The following PCDHA3 variants were observed in gnomAD, a reference collection of about 807,000 sequenced individuals.
PCDHA3 encodes the protein protocadherin alpha 3, also known as protocadherin alpha-3.
A neutral mutation model predicts 62.2 loss-of-function variants in PCDHA3; 41 were observed. The ratio of observed to expected loss-of-function variants is 0.66; its 90% CI spans 0.51 to 0.86. The LOEUF is 0.86. Among genes scored for constraint, PCDHA3 ranks in the 40% least tolerant of loss-of-function variants. The pLI is 0.00. For missense variants in PCDHA3, 1,304 were observed against 1,241.2 expected, an observed-to-expected ratio of 1.05 and a Z score of -0.76; for synonymous variants, 640 against 555.4, an observed-to-expected ratio of 1.15 and a Z score of -2.14.
At chr5:140,875,886 A>C (rs201813340) in intron 1 of PCDHA3, 1 of 1,614,176 alleles carries the variant, frequency 6.2e-7, no homozygotes, top group Non-Finnish European at 8.5e-7. Flanking sequence ...AAAGGGAACA[A>C]AAGGTACCTG....
At chr5:140,859,551 A>G (rs1258931011) in intron 1 of PCDHA3, 1 of 180,640 alleles carries the variant, frequency 5.5e-6, no homozygotes, top group African/African-American at 2.4e-5. Flanking sequence ...AGTGTTACCA[A>G]ACACCAATGC....
At chr5:140,863,106 C>G (rs782630265) in intron 1 of PCDHA3, 1 of 582,196 alleles carries the variant, frequency 1.7e-6, no homozygotes, top group Non-Finnish European at 3.4e-6. Context: ...GTACCCTGGA[C>G]GAGGCGAAAG....
chr5:140,924,754 G>T (rs1332624356), intron 1 of PCDHA3, among the ~76,000 whole-genome samples: 1 of 151,848 alleles, frequency 6.6e-6, no homozygotes, highest in African/African-American at 2.4e-5. Flanking sequence ...AATTAACCGA[G>T]CATGGTGGTG....
At chr5:140,940,245 T>A (rs1262681154) in intron 1 of PCDHA3, among the ~76,000 whole-genome samples, 1 of 152,210 alleles carries the variant, frequency 6.6e-6, no homozygotes, top group Non-Finnish European at 1.5e-5. Flanking sequence ...TAAAGTTACC[T>A]CCTCAATATC....
At chr5:140,862,290 A>G (rs1423685229) in intron 1 of PCDHA3, 3 of 265,086 alleles carry the variant, frequency 1.1e-5, no homozygotes, top group Admixed American at 4.8e-5. Flanking sequence ...GTACAGGAGG[A>G]CGCTCCACTG....
At chr5:140,869,751 CG>C (rs782746767) in intron 1 of PCDHA3, 1 of 1,613,134 alleles carries the variant, frequency 6.2e-7, no homozygotes, top group South Asian at 1.1e-5. Flanking sequence ...CAGCTACAGA[CG>C]GGGGAAAACC....
intron 1 of PCDHA3, chr5:140,877,139 T>C (rs781891057): frequency 8.7e-6 from 14 of 1,613,764 alleles, no homozygotes; most frequent in Admixed American, 1.7e-5. Context: ...GTGTTCGTGC[T>C]GGACGAGAAC....
intron 1 of PCDHA3, among the ~76,000 whole-genome samples, chr5:140,912,509 T>A (rs1473163707): frequency 6.6e-6 from 1 of 152,170 alleles, no homozygotes; most frequent in Non-Finnish European, 1.5e-5. Flanking sequence ...TTTGGATGAA[T>A]CTTTAGGGTT....
At chr5:140,893,204 G>A (rs1207669882) in intron 1 of PCDHA3, among the ~76,000 whole-genome samples, 1 of 152,244 alleles carries the variant, frequency 6.6e-6, no homozygotes, top group African/African-American at 2.4e-5. Context: ...GCTGCAGTAA[G>A]TATGGGAGGT....
At chr5:140,941,150 G>T (rs894422349) in intron 1 of PCDHA3, among the ~76,000 whole-genome samples, 1 of 151,436 alleles carries the variant, frequency 6.6e-6, no homozygotes, top group Non-Finnish European at 1.5e-5. Context: ...TAGTTTGGAG[G>T]CCCCATAAGA....
intron 1 of PCDHA3, chr5:140,968,750 G>A: frequency 6.2e-7 from 1 of 1,614,144 alleles, no homozygotes; most frequent in Non-Finnish European, 8.5e-7. Context: ...GACCGTGGTG[G>A]TCCGAGATAA....
At chr5:140,916,072 AC>A (rs1445012621) in intron 1 of PCDHA3, among the ~76,000 whole-genome samples, 4 of 152,054 alleles carry the variant, frequency 2.6e-5, no homozygotes, top group Non-Finnish European at 5.9e-5. Flanking sequence ...TGTGGCCAGT[AC>A]TACCACTGGT....
intron 1 of PCDHA3, among the ~76,000 whole-genome samples, chr5:140,894,207 A>G (rs962841413): frequency 3.9e-5 from 6 of 152,012 alleles, no homozygotes; most frequent in African/African-American, 1.4e-4. Flanking sequence ...ATGCTATTAT[A>G]TTCTCATTTT....
At chr5:140,926,529 A>T in intron 1 of PCDHA3, 1 of 209,686 alleles carries the variant, frequency 4.8e-6, no homozygotes, top group Admixed American at 5.9e-5. Context: ...CTGCGCCCGC[A>T]GCCAGCGTGG....
At chr5:140,829,507 C>G in intron 1 of PCDHA3, 1 of 1,613,584 alleles carries the variant, frequency 6.2e-7, no homozygotes, top group Admixed American at 1.7e-5. Context: ...CGCCGGGCTG[C>G]CACATCTTCA....
At chr5:140,882,392 G>C (rs781850899) in intron 1 of PCDHA3, 4 of 1,614,178 alleles carry the variant, frequency 2.5e-6, no homozygotes, top group South Asian at 1.1e-5. Flanking sequence ...AGCAAAACAC[G>C]GCACCTTCGT....
intron 1 of PCDHA3, among the ~76,000 whole-genome samples, chr5:140,921,661 A>C (rs1554200347): frequency 1.3e-5 from 2 of 152,226 alleles, no homozygotes; most frequent in African/African-American, 4.8e-5. Context: ...CTTAATAAAA[A>C]TTTAACAGTT....
chr5:140,866,677 G>A (rs782218499), intron 1 of PCDHA3: 2 of 152,084 alleles, frequency 1.3e-5, no homozygotes, highest in African/African-American at 2.4e-5. Context: ...AATAGCACTA[G>A]GTCTGTTAGA....
intron 1 of PCDHA3, among the ~76,000 whole-genome samples, chr5:140,959,469 A>G (rs1180811354): frequency 5.3e-5 from 8 of 152,226 alleles, no homozygotes; most frequent in East Asian, 1.9e-4. Context: ...GTTGGCATCA[A>G]TCAAGGCATA....
Sources: allele counts gnomAD v4.1 joint callset (sites outside exome capture counted in the v4.1 genomes callset), GRCh38; gene constraint gnomAD v4.1.1; transcripts MANE v1.5; gene names NCBI Gene and HGNC (gene_info 2026-07-23, HGNC 2026-07-21).